Variants in KIRREL1 observed in about 807,000 individuals in gnomAD.
The protein encoded by KIRREL1 is kin of IRRE-like protein 1.
KIRREL1 carries 25 observed loss-of-function variants against 83.3 expected under a neutral mutation model. That is an observed-to-expected ratio of 0.30 (90% CI 0.22 to 0.42). The LOEUF (loss-of-function observed/expected upper bound fraction) is 0.42, where lower values mean the gene tolerates loss of function less well. Among genes scored for constraint, KIRREL1 ranks in the 10% least tolerant of loss-of-function variants. The pLI is 1.00. For missense variants in KIRREL1, 812 were observed against 1,032.3 expected, an observed-to-expected ratio of 0.79 and a Z score of 2.92; for synonymous variants, 388 against 410.4, an observed-to-expected ratio of 0.95 and a Z score of 0.66.
intron 1 of KIRREL1, among the ~76,000 whole-genome samples, chr1:158,032,266 A>G (rs1020135631): frequency 6.6e-6 from 1 of 152,060 alleles, no homozygotes; most frequent in Admixed American, 6.6e-5. Flanking sequence ...GGGCTGGGAG[A>G]TGGCTGGAGA....
intron 1 of KIRREL1, among the ~76,000 whole-genome samples, chr1:157,994,294 C>A (rs1320829879): frequency 6.6e-6 from 1 of 151,974 alleles, no homozygotes; most frequent in Non-Finnish European, 1.5e-5. Context: ...AGGGGTGTCT[C>A]GGCGCCTCTA....
chr1:158,063,642 C>T (rs1373648705), intron 1 of KIRREL1, among the ~76,000 whole-genome samples: 1 of 152,250 alleles, frequency 6.6e-6, no homozygotes, highest in East Asian at 1.9e-4. Flanking sequence ...ACATACCAGC[C>T]AGGCTGAACT....
chr1:158,046,934 G>A (rs1382311581), intron 1 of KIRREL1, among the ~76,000 whole-genome samples: 2 of 152,164 alleles, frequency 1.3e-5, no homozygotes, highest in Non-Finnish European at 2.9e-5. Context: ...TCAACAGAGA[G>A]GTTTTAAGAG....
intron 1 of KIRREL1, among the ~76,000 whole-genome samples, chr1:158,010,511 G>A (rs1013368682): frequency 3.3e-5 from 5 of 149,822 alleles, no homozygotes; most frequent in African/African-American, 7.4e-5. Flanking sequence ...CTGGACCAAC[G>A]GTGTGGGTGC....
At chr1:158,072,850 C>T (rs1356144221) in intron 1 of KIRREL1, among the ~76,000 whole-genome samples, 5 of 137,032 alleles carry the variant, frequency 3.6e-5, no homozygotes, top group African/African-American at 5.4e-5. Context: ...GTGCAGGCCT[C>T]GGACAGGGCA....
intron 1 of KIRREL1, among the ~76,000 whole-genome samples, chr1:158,009,663 C>T (rs1174543027): frequency 6.6e-6 from 1 of 152,148 alleles, no homozygotes; most frequent in African/African-American, 2.4e-5. Flanking sequence ...GTCATGGCAG[C>T]CTGTTCTGGT....
chr1:158,023,779 A>G (rs1415534310), intron 1 of KIRREL1, among the ~76,000 whole-genome samples: 2 of 152,216 alleles, frequency 1.3e-5, no homozygotes, highest in African/African-American at 2.4e-5. Flanking sequence ...TCAATCCAGG[A>G]CGGCTTCCTG....
chr1:158,004,489 T>C (rs1158011929), intron 1 of KIRREL1, among the ~76,000 whole-genome samples: 2 of 152,180 alleles, frequency 1.3e-5, no homozygotes, highest in Admixed American at 6.5e-5. Flanking sequence ...GGTTTAGAAT[T>C]AGGTCTGTGT....
chr1:158,060,517 T>C (rs1661187335), intron 1 of KIRREL1, among the ~76,000 whole-genome samples: 6 of 152,216 alleles, frequency 3.9e-5, no homozygotes, highest in Admixed American at 3.9e-4. Flanking sequence ...CTTACTTCAA[T>C]CTGCCTGTTC....
At chr1:158,090,413 T>G (rs757160484) in intron 10 of KIRREL1, among the ~76,000 whole-genome samples, 2 of 152,194 alleles carry the variant, frequency 1.3e-5, no homozygotes, top group Non-Finnish European at 2.9e-5. Context: ...CATTAATTCC[T>G]TCCGTGACTA....
In KIRREL1 at chr1:158,098,554, A is replaced by C. The variant is rs3820677; in HGVS notation, c.*3434A>C. On this transcript the variant is annotated 3_prime_UTR_variant, in exon 15 of 15. Transcript: ENST00000359209. ...AGGGAAAGGGGTACAACAGCTTTGG[A>C]ATACATTCTGGATCTTGAGGAGGAT... 3 of 152,078 alleles carry C rather than the reference A, an allele frequency of 2.0e-5. No individual in the cohort carries two copies. The highest frequency in any genetic ancestry group is 4.4e-5 in the Non-Finnish European group (3 of 68,014). The allele number at this position is 152,078 out of a possible 1,614,324, so 9.4% of individuals were successfully genotyped here.
intron 3 of KIRREL1, among the ~76,000 whole-genome samples, chr1:158,079,144 G>A (rs1445369654): frequency 2.0e-5 from 3 of 152,114 alleles, no homozygotes; most frequent in Non-Finnish European, 4.4e-5. Flanking sequence ...CATTGACTCT[G>A]TCCCTTTTTT....
intron 1 of KIRREL1, among the ~76,000 whole-genome samples, chr1:158,022,328 C>T (rs533627554): frequency 6.6e-6 from 1 of 152,152 alleles, no homozygotes; most frequent in Non-Finnish European, 1.5e-5. Flanking sequence ...TTGTGCTAAA[C>T]ACCTACTATG....
chr1:158,059,446 G>A (rs1207955711), intron 1 of KIRREL1, among the ~76,000 whole-genome samples: 1 of 152,042 alleles, frequency 6.6e-6, no homozygotes, highest in South Asian at 2.1e-4. Context: ...AGAATTCAGG[G>A]GCCAACATGT....
chr1:158,057,424 C>T (rs1661096299), intron 1 of KIRREL1, among the ~76,000 whole-genome samples: 1 of 152,150 alleles, frequency 6.6e-6, no homozygotes, highest in Non-Finnish European at 1.5e-5. Flanking sequence ...CATTTGTGTG[C>T]AAGATAAGTA....
chr1:158,030,199 C>T (rs756853581), intron 1 of KIRREL1, among the ~76,000 whole-genome samples: 4 of 152,204 alleles, frequency 2.6e-5, no homozygotes, highest in African/African-American at 9.7e-5. Flanking sequence ...TCATGTTTCA[C>T]ACTAGAAGAT....
intron 1 of KIRREL1, among the ~76,000 whole-genome samples, chr1:158,009,558 G>T (rs1331475105): frequency 6.6e-6 from 1 of 152,260 alleles, no homozygotes; most frequent in Non-Finnish European, 1.5e-5. Context: ...AAGTTTGTGA[G>T]GGAGGGAGGG....
intron 2 of KIRREL1, 52 bp from the exon 3 acceptor site, chr1:158,077,939 T>G (rs1661731560): frequency 6.2e-7 from 1 of 1,603,030 alleles, no homozygotes; most frequent in African/African-American, 1.3e-5. Context: ...GTGGGATGGC[T>G]GAGGATGTGT....
At chr1:158,016,846 G>GT (rs371473280) in intron 1 of KIRREL1, among the ~76,000 whole-genome samples, 56 of 152,280 alleles carry the variant, frequency 3.7e-4, no homozygotes, top group African/African-American at 1.3e-3. Flanking sequence ...AGACAATAGG[G>GT]TAAGACAAGA....
Sources: gnomAD v4.1 joint callset for allele counts (sites outside exome capture counted in the v4.1 genomes callset) on GRCh38, gnomAD v4.1.1 for gene constraint, MANE v1.5 for transcripts, NCBI Gene and HGNC (gene_info 2026-07-23, HGNC 2026-07-21) for gene names.